METTL21A: variants seen among roughly 807,000 people sequenced by gnomAD.
METTL21A encodes protein N-lysine methyltransferase METTL21A.
Under a neutral mutation model 20.9 loss-of-function variants are expected in METTL21A, and 22 were observed. That is an observed-to-expected ratio of 1.05 (90% CI 0.75 to 1.50). METTL21A has a LOEUF of 1.50. METTL21A is among the 40% of genes most tolerant of loss of function. The pLI is 0.00. For missense variants in METTL21A, 271 were observed against 266.8 expected (o/e 1.02, Z -0.11); for synonymous variants, 93 against 102.0 (o/e 0.91, Z 0.53).
intron 3 of METTL21A, chr2:207,599,879 T>G (rs1468960094): frequency 5.1e-6 from 1 of 195,656 alleles, no homozygotes; most frequent in Non-Finnish European, 1.1e-5. Flanking sequence ...ATCATAGGAA[T>G]TTGTACATAT....
chr2:207,597,640 G>C (rs572539889), intron 3 of METTL21A: 11 of 207,580 alleles, frequency 5.3e-5, no homozygotes, highest in African/African-American at 2.3e-4. Context: ...TGCTTTTTAT[G>C]TATGTTGTCT....
chr2:207,606,556 A>C (rs897529793), downstream of METTL21A, among the ~76,000 whole-genome samples: 5 of 152,188 alleles, frequency 3.3e-5, no homozygotes, highest in African/African-American at 9.7e-5. Context: ...GTCAGTGCTA[A>C]GATAGTACAA....
At chr2:207,609,971 G>GT (rs1485258640), downstream of METTL21A, 1 of 6,526 alleles carries the variant, frequency 1.5e-4, no homozygotes, top group African/African-American at 8.4e-4. Flanking sequence ...CTGGTTTTCG[G>GT]TTTTTTTTGG....
chr2:207,619,600 A>G (rs2090229657), intron 3 of METTL21A, among the ~76,000 whole-genome samples: 2 of 152,240 alleles, frequency 1.3e-5, no homozygotes, highest in Admixed American at 6.5e-5. Context: ...TACACAAAAC[A>G]CACATACGCA....
chr2:207,612,034 A>T (rs1256756633), downstream of METTL21A: 2 of 3,814 alleles, frequency 5.2e-4, no homozygotes, highest in African/African-American at 1.4e-3. Context: ...AAAAAAAAAT[A>T]AATTAATTAA....
chr2:207,613,863 C>T (rs537904909), intron 3 of METTL21A, among the ~76,000 whole-genome samples: 19 of 152,110 alleles, frequency 1.2e-4, no homozygotes, highest in Non-Finnish European at 2.5e-4. Flanking sequence ...CCCAGCTACT[C>T]GGGAGGCTGA....
chr2:207,598,753 A>C (rs1490989860), intron 3 of METTL21A: 1 of 165,820 alleles, frequency 6.0e-6, no homozygotes, highest in Non-Finnish European at 1.3e-5. Context: ...AGGTTGAGGC[A>C]GCAGAATTGC....
intron 3 of METTL21A, among the ~76,000 whole-genome samples, chr2:207,584,689 A>C (rs1194123824): frequency 6.6e-6 from 1 of 152,188 alleles, no homozygotes; most frequent in Admixed American, 6.5e-5. Flanking sequence ...GGTGTGAGCT[A>C]CTGTGCCCAG....
Position 207,622,911 on chromosome 2 carries a change from C to CT in METTL21A, c.148-995dup, listed in dbSNP as rs769382433. Among the ~76,000 whole-genome samples, 727 of 144,556 alleles carry CT rather than the reference C, an allele frequency of 5.0e-3. 5 individuals carry two copies. The highest frequency in any genetic ancestry group is 0.012 in the African/African-American group (461 of 39,638). 94.8% of individuals were successfully genotyped at this position (144,556 alleles called of 152,430 possible). ...CTTCCCATTCCTCGTTATTATTTAT[C>CT]TTTTTTTTTTTTTTGAGATGTAGTC... On this transcript the variant is annotated intron_variant, in intron 2 of 3. Coordinates refer to ENST00000406927, the Ensembl canonical transcript of METTL21A.
chr2:207,583,729 T>C (rs1444439193), intron 3 of METTL21A, among the ~76,000 whole-genome samples: 1 of 152,226 alleles, frequency 6.6e-6, no homozygotes, highest in Non-Finnish European at 1.5e-5. Context: ...TTATGGGTTT[T>C]GATAGATGCA....
At chr2:207,624,925 C>T (rs1357646502) in intron 1 of METTL21A, 137 bp downstream of exon 1, 1 of 152,226 alleles carries the variant, frequency 6.6e-6, no homozygotes, top group Admixed American at 6.5e-5. Flanking sequence ...GTTTGATAAA[C>T]CAGAAATACA....
intron 3 of METTL21A, among the ~76,000 whole-genome samples, chr2:207,591,275 C>T (rs2084976258): frequency 6.6e-6 from 1 of 152,198 alleles, no homozygotes; most frequent in African/African-American, 2.4e-5. Context: ...GCTTTTGCCT[C>T]ATACAGGAGA....
At chr2:207,590,107 TA>T (rs1553508762) in intron 3 of METTL21A, among the ~76,000 whole-genome samples, 33 of 135,678 alleles carry the variant, frequency 2.4e-4, no homozygotes, top group African/African-American at 8.5e-4. Flanking sequence ...TTTTTTTTTT[TA>T]ATAGATACGG....
At chr2:207,586,273 T>C (rs185596121) in intron 3 of METTL21A, among the ~76,000 whole-genome samples, 1 of 152,164 alleles carries the variant, frequency 6.6e-6, no homozygotes, top group East Asian at 1.9e-4. Flanking sequence ...GAACACAGAA[T>C]AAATCTACTT....
chr2:207,582,030 G>C (rs2106622609), exon 4 of METTL21A: 1 of 699,244 alleles, frequency 1.4e-6, no homozygotes, highest in South Asian at 1.5e-5. Flanking sequence ...ACATCCGGGA[G>C]CACATACATA....
chr2:207,585,813 G>T (rs950099999), intron 3 of METTL21A, among the ~76,000 whole-genome samples: 8 of 152,062 alleles, frequency 5.3e-5, no homozygotes, highest in Non-Finnish European at 7.4e-5. Flanking sequence ...TAAGAGAGAG[G>T]TCTTTTAAAA....
chr2:207,583,616 C>T lies in METTL21A; in HGVS notation c.260-1456G>A, dbSNP rs551916793. On this transcript the variant is annotated intron_variant, in intron 3 of 3. Transcript: ENST00000425132. ...GAGGTTATATCATATGATTGTAGTA[C>T]AGTTAGATTTGTCACAATCTTCAGT... 1.5e-3 allele frequency among the ~76,000 whole-genome samples: 222 copies of T among 152,236 alleles called. 1 individual carries two copies. Among genetic ancestry groups the T allele is most frequent in the African/African-American group, 5.0e-3 (209 of 41,540 alleles).
At chr2:207,592,682 A>G (rs564280844) in intron 3 of METTL21A, among the ~76,000 whole-genome samples, 1 of 152,188 alleles carries the variant, frequency 6.6e-6, no homozygotes, top group South Asian at 2.1e-4. Flanking sequence ...GCACTTTGGG[A>G]GACCAAGGCA....
intron 3 of METTL21A, chr2:207,598,055 A>T (rs905874599): frequency 5.5e-6 from 1 of 181,378 alleles, no homozygotes. Context: ...CAAGATGTCA[A>T]ATAAAGCAAA....
Sources: allele counts gnomAD v4.1 joint callset (sites outside exome capture counted in the v4.1 genomes callset), GRCh38; gene constraint gnomAD v4.1.1; transcripts MANE v1.5; gene names NCBI Gene and HGNC (gene_info 2026-07-23, HGNC 2026-07-21).